Variants in UNC5B observed in about 807,000 individuals in gnomAD.
UNC5B encodes the protein netrin receptor UNC5B.
Under a neutral mutation model 103.7 loss-of-function variants are expected in UNC5B, and 56 were observed. That is an observed-to-expected ratio of 0.54 (90% confidence interval 0.44 to 0.67). The LOEUF (loss-of-function observed/expected upper bound fraction) is 0.67. Among genes scored for constraint, UNC5B ranks in the 30% least tolerant of loss-of-function variants. The probability of loss-of-function intolerance (pLI) is 0.00; values close to 1 mark genes in which losing one functional copy is unlikely to be tolerated. For missense variants in UNC5B, 1,194 were observed against 1,284.5 expected, an observed-to-expected ratio of 0.93 and a Z score of 1.08; for synonymous variants, 577 against 542.0, an observed-to-expected ratio of 1.06 and a Z score of -0.90.
intron 1 of UNC5B, among the ~76,000 whole-genome samples, chr10:71,221,989 GTCATCA>G (rs149864220): frequency 6.6e-5 from 10 of 151,494 alleles, no homozygotes; most frequent in East Asian, 1.9e-4. Context: ...ATTCACTACT[GTCATCA>G]TCATCATCAT....
At chr10:71,237,018 G>A (rs527654400) in intron 1 of UNC5B, among the ~76,000 whole-genome samples, 15 of 152,328 alleles carry the variant, frequency 9.8e-5, no homozygotes, top group Admixed American at 5.9e-4. Flanking sequence ...AGGTGGAGGT[G>A]TAGATGGGGG....
intron 1 of UNC5B, among the ~76,000 whole-genome samples, chr10:71,268,433 G>A (rs550519341): frequency 6.6e-6 from 1 of 152,322 alleles, no homozygotes; most frequent in Non-Finnish European, 1.5e-5. Context: ...CATTGCCCCT[G>A]TCTGGCCTCA....
In UNC5B at chr10:71,291,703, G is replaced by A. The variant is rs749805796; in HGVS notation, c.1566G>A (p.Leu522=). ...ATTTCGCCCGGGACACCCACTTCCT[G>A]CACCTGCGCAGCGCCAGCCTCGGTT... is the stretch of plus-strand genomic sequence containing the variant. ...PSDFARDTHF[L]HLRSASLGSQ... Residue 522 remains leucine, a synonymous_variant, in exon 10 of 17, where the codon CTG becomes CTA. Transcript: ENST00000335350. 1.2e-6 allele frequency: 2 copies of A among 1,612,966 alleles called. No homozygotes were observed. Among genetic ancestry groups the A allele is most frequent in the Non-Finnish European group, 1.7e-6 (2 of 1,180,010 alleles).
intron 1 of UNC5B, among the ~76,000 whole-genome samples, chr10:71,227,696 A>ACATATATT (rs1843599412): frequency 8.2e-6 from 1 of 121,692 alleles, no homozygotes; most frequent in African/African-American, 3.6e-5. Context: ...ACACATATAT[A>ACATATATT]TACACACATA....
At chr10:71,258,263 C>T (rs188847301) in intron 1 of UNC5B, among the ~76,000 whole-genome samples, 1 of 152,284 alleles carries the variant, frequency 6.6e-6, no homozygotes, top group Non-Finnish European at 1.5e-5. Context: ...TGCCCTCAGT[C>T]TGGGCCAGGG....
At chr10:71,233,012 A>C (rs1446152278) in intron 1 of UNC5B, among the ~76,000 whole-genome samples, 1 of 152,106 alleles carries the variant, frequency 6.6e-6, no homozygotes, top group African/African-American at 2.4e-5. Flanking sequence ...CTGATGGGGG[A>C]CTTGTGGGCA....
intron 1 of UNC5B, among the ~76,000 whole-genome samples, chr10:71,240,826 G>A (rs1385626161): frequency 6.6e-6 from 1 of 152,216 alleles, no homozygotes; most frequent in African/African-American, 2.4e-5. Context: ...TCCTTTGACG[G>A]CCCTTAGAAG....
rs563507454 is a variant in UNC5B at position 71,264,192 on chromosome 10, T to C, written c.80-15629T>C. Among the ~76,000 whole-genome samples, 11 of 152,280 alleles carry C rather than the reference T, an allele frequency of 7.2e-5. No individual in the cohort carries two copies. In the South Asian group the frequency reaches 1.0e-3, roughly 14 times the overall value. ...ACTTTGTACAACTTTAGATAAACAA[T>C]AGAGATGGCTATTGATACCAACCTC... On this transcript the variant is annotated intron_variant, in intron 1 of 16. Transcript: ENST00000335350.
At chr10:71,249,109 T>C (rs1564715889) in intron 1 of UNC5B, among the ~76,000 whole-genome samples, 3 of 152,182 alleles carry the variant, frequency 2.0e-5, no homozygotes, top group Non-Finnish European at 4.4e-5. Flanking sequence ...CAGTCCCTTT[T>C]TGCACAGCCC....
At chr10:71,264,328 C>G (rs115058874) in intron 1 of UNC5B, among the ~76,000 whole-genome samples, 1 of 152,108 alleles carries the variant, frequency 6.6e-6, no homozygotes, top group Non-Finnish European at 1.5e-5. Flanking sequence ...TTTAACATGC[C>G]CAGCACTCCT....
chr10:71,220,278 T>A (rs376628004), intron 1 of UNC5B, among the ~76,000 whole-genome samples: 1 of 152,192 alleles, frequency 6.6e-6, no homozygotes, highest in Non-Finnish European at 1.5e-5. Context: ...AGGGATCATA[T>A]TGGGGGTGGA....
chr10:71,264,647 C>T (rs1204417355), intron 1 of UNC5B, among the ~76,000 whole-genome samples: 2 of 152,164 alleles, frequency 1.3e-5, no homozygotes, highest in Non-Finnish European at 2.9e-5. Flanking sequence ...ATATTTCTGT[C>T]GGGAGGCAAG....
In UNC5B at chr10:71,302,129, G is replaced by T. The variant is rs1564519252; in HGVS notation, c.*2852G>T. 1 of 144,912 alleles carries T rather than the reference G, an allele frequency of 6.9e-6. No individual in the cohort carries two copies. The highest frequency in any genetic ancestry group is 6.8e-5 in the Admixed American group (1 of 14,608). The allele number at this position is 144,912 out of a possible 1,614,324, so 9.0% of individuals were successfully genotyped here. A position where few individuals can be genotyped will look rare whatever the true frequency, so the allele number is the denominator to read the frequency against. On this transcript the variant is annotated 3_prime_UTR_variant, in exon 17 of 17. Coordinates refer to ENST00000335350, the MANE Select transcript of UNC5B (RefSeq NM_170744.5). ...GTCTGTGGAGGCTGCCTGCCTCCGG[G>T]GTGGGATGGGTGGTTTCTCCTCCAA...
intron 1 of UNC5B, among the ~76,000 whole-genome samples, chr10:71,222,568 TG>T (rs1843474118): frequency 1.3e-5 from 2 of 152,168 alleles, no homozygotes; most frequent in Non-Finnish European, 2.9e-5. Context: ...GGGCTGGGCC[TG>T]GGCCCTGATT....
intron 1 of UNC5B, among the ~76,000 whole-genome samples, chr10:71,270,885 G>C (rs2132290640): frequency 1.3e-5 from 2 of 152,302 alleles, no homozygotes; most frequent in South Asian, 4.1e-4. Context: ...CATTGCCTTA[G>C]GGGGACAGCA....
intron 1 of UNC5B, among the ~76,000 whole-genome samples, chr10:71,222,255 A>C (rs1360958124): frequency 6.6e-6 from 1 of 152,172 alleles, no homozygotes; most frequent in African/African-American, 2.4e-5. Flanking sequence ...CAAATTCTAC[A>C]TTCAGCTTCT....
chr10:71,220,080 C>G (rs1843422286), intron 1 of UNC5B, among the ~76,000 whole-genome samples: 1 of 152,168 alleles, frequency 6.6e-6, no homozygotes. Context: ...CCCTCTGGCC[C>G]CATTCCACCT....
At chr10:71,287,846 T>C in intron 6 of UNC5B, 81 bp downstream of exon 6, 1 of 1,526,596 alleles carries the variant, frequency 6.6e-7, no homozygotes, top group Non-Finnish European at 8.8e-7. Context: ...GGGACAGCCA[T>C]TCTCTCCCCA....
At chr10:71,228,113 C>T (rs570145288) in intron 1 of UNC5B, among the ~76,000 whole-genome samples, 2 of 152,152 alleles carry the variant, frequency 1.3e-5, no homozygotes, top group Admixed American at 1.3e-4. Flanking sequence ...GGGGTTAAGA[C>T]AGACTTTTTA....
Sources: gnomAD v4.1 joint callset for allele counts (sites outside exome capture counted in the v4.1 genomes callset) on GRCh38, gnomAD v4.1.1 for gene constraint, MANE v1.5 for transcripts, NCBI Gene and HGNC (gene_info 2026-07-23, HGNC 2026-07-21) for gene names.